Variants in CCDC60 observed in about 807,000 individuals in gnomAD.
CCDC60 encodes the protein coiled-coil domain-containing protein 60.
Under a neutral mutation model 63.5 loss-of-function variants are expected in CCDC60, and 54 were observed. The observed-to-expected ratio is 0.85, with a 90% confidence interval of 0.68 to 1.07. The LOEUF is 1.07. CCDC60 is among the 50% of genes least tolerant of loss of function. The pLI, the probability that CCDC60 is intolerant of heterozygous loss-of-function variation, is 0.00. For missense variants in CCDC60, 651 were observed against 684.3 expected (o/e 0.95, Z 0.54); for synonymous variants, 206 against 238.8 (o/e 0.86, Z 1.27).
At chr12:119,504,469 C>T (rs576520331) in intron 6 of CCDC60, among the ~76,000 whole-genome samples, 4 of 152,308 alleles carry the variant, frequency 2.6e-5, no homozygotes, top group African/African-American at 9.6e-5. Flanking sequence ...ACCGTGGCTC[C>T]TCCCCCAAGA....
At chr12:119,527,211 A>T (rs1952701307) in intron 11 of CCDC60, among the ~76,000 whole-genome samples, 1 of 152,190 alleles carries the variant, frequency 6.6e-6, no homozygotes, top group Non-Finnish European at 1.5e-5. Flanking sequence ...AAGCTAAATG[A>T]TAAGAATTTA....
At position 119,456,065 on chromosome 12, in the gene CCDC60, AAGCAAGC is replaced by A. The variant is rs1566019677; in HGVS notation, c.171-15927_171-15921del. Among the ~76,000 whole-genome samples, 410 of 89,896 alleles carry A rather than the reference AAGCAAGC, an allele frequency of 4.6e-3. 4 individuals carry two copies. Among genetic ancestry groups the A allele is most frequent in the African/African-American group, 0.018 (384 of 21,622 alleles). 59.0% of individuals were successfully genotyped at this position (89,896 alleles called of 152,430 possible). On this transcript the variant is annotated intron_variant, in intron 2 of 13. Coordinates refer to ENST00000327554, the MANE Select transcript of CCDC60 (RefSeq NM_178499.5). The surrounding 1 kb of genome is among the most constrained non-coding windows in gnomAD (Gnocchi z 4.6). ...AAAGAAAGAAAGAAAGAAAGAAAGC[AAGCAAGC>A]ATGTGCAATTTCAAGGGGGTAGAGA...
intron 1 of CCDC60, among the ~76,000 whole-genome samples, chr12:119,398,260 C>T (rs1956320267): frequency 6.6e-6 from 1 of 151,902 alleles, no homozygotes; most frequent in African/African-American, 2.4e-5. Context: ...GGACCCGGCG[C>T]AACCTCTGCA....
chr12:119,478,311 TCAAA>T (rs1187262305), intron 3 of CCDC60, among the ~76,000 whole-genome samples: 1 of 151,840 alleles, frequency 6.6e-6, no homozygotes, highest in South Asian at 2.1e-4. Context: ...AGATTCTGTC[TCAAA>T]CAAACAAACT....
intron 2 of CCDC60, among the ~76,000 whole-genome samples, chr12:119,444,538 C>T (rs1950503777): frequency 6.6e-6 from 1 of 152,202 alleles, no homozygotes; most frequent in Non-Finnish European, 1.5e-5. Flanking sequence ...TCTAGAGTCT[C>T]CCTCTAGGAG....
chr12:119,413,312 G>C (rs952311296), intron 1 of CCDC60, among the ~76,000 whole-genome samples: 12 of 152,184 alleles, frequency 7.9e-5, no homozygotes, highest in Admixed American at 7.9e-4. Flanking sequence ...GGGAGGCAGA[G>C]AAAGAGATTA....
At position 119,417,404 on chromosome 12, in the gene CCDC60, T is replaced by C. The variant is rs1419558816; in HGVS notation, c.91-11279T>C. On this transcript the variant is annotated intron_variant, in intron 1 of 13. Coordinates refer to ENST00000327554, the MANE Select transcript of CCDC60 (RefSeq NM_178499.5). ...GGAGGAAATGGTTTATCTTTACTTT[T>C]TGGAATACATCAGCAAGATTTTTCT... Among the ~76,000 whole-genome samples, 3 of 152,230 alleles carry C rather than the reference T, an allele frequency of 2.0e-5. No individual in the cohort carries two copies. In the East Asian group the frequency reaches 5.8e-4, roughly 29 times the overall value.
intron 2 of CCDC60, among the ~76,000 whole-genome samples, chr12:119,431,764 C>T (rs1004234253): frequency 3.3e-5 from 5 of 152,142 alleles, no homozygotes; most frequent in Admixed American, 2.0e-4. Flanking sequence ...CTGCAACCTC[C>T]GCCTCCCGGG....
At chr12:119,525,297 G>GACA (rs1952652836) in intron 11 of CCDC60, among the ~76,000 whole-genome samples, 2 of 152,144 alleles carry the variant, frequency 1.3e-5, no homozygotes, top group Admixed American at 1.3e-4. Context: ...AGGAAATACA[G>GACA]ACAACTCCTG....
At chr12:119,429,424 G>C (rs1238509801) in intron 2 of CCDC60, among the ~76,000 whole-genome samples, 2 of 152,052 alleles carry the variant, frequency 1.3e-5, no homozygotes, top group African/African-American at 2.4e-5. Flanking sequence ...CCCAAGGTAG[G>C]ATCCTAAAAT....
chr12:119,471,941 T>A (rs1254146153), intron 2 of CCDC60, 53 bp from the exon 3 acceptor site: 1 of 1,493,480 alleles, frequency 6.7e-7, no homozygotes, highest in African/African-American at 1.4e-5. Context: ...CTTCTCTCTC[T>A]CCACCCTCCC....
At chr12:119,407,756 CCA>C (rs1363894099) in intron 1 of CCDC60, among the ~76,000 whole-genome samples, 1 of 151,970 alleles carries the variant, frequency 6.6e-6, no homozygotes, top group Non-Finnish European at 1.5e-5. Context: ...TTTTTTTAAC[CCA>C]TAAAATGGGC....
intron 1 of CCDC60, among the ~76,000 whole-genome samples, chr12:119,369,496 C>T (rs950631520): frequency 3.9e-5 from 6 of 152,158 alleles, no homozygotes; most frequent in Admixed American, 3.3e-4. Context: ...CCCACTGAAT[C>T]CTTGAAAGCT....
intron 1 of CCDC60, among the ~76,000 whole-genome samples, chr12:119,375,363 C>G (rs933454665): frequency 2.2e-4 from 33 of 152,154 alleles, no homozygotes; most frequent in African/African-American, 8.0e-4. Flanking sequence ...TTCAAGCTAT[C>G]GATCACTGAA....
At chr12:119,396,884 T>TGAAGTCACGGACCCTCGCAGTG (rs1956265338) in intron 1 of CCDC60, among the ~76,000 whole-genome samples, 1 of 152,206 alleles carries the variant, frequency 6.6e-6, no homozygotes, top group African/African-American at 2.4e-5. Flanking sequence ...ACTTCAAGAA[T>TGAAGTCACGGACCCTCGCAGTG]GAAGTCACGG....
intron 2 of CCDC60, among the ~76,000 whole-genome samples, chr12:119,434,253 AT>A (rs1197005174): frequency 6.7e-6 from 1 of 148,434 alleles, no homozygotes; most frequent in Non-Finnish European, 1.5e-5. Flanking sequence ...CAAAGGTGGA[AT>A]TTGGGGCAGA....
chr12:119,499,986 C>A (rs912943227), intron 5 of CCDC60, 92 bp from the exon 6 acceptor site: 25 of 891,618 alleles, frequency 2.8e-5, no homozygotes, highest in Middle Eastern at 2.2e-4. Context: ...GCCCAGCCAC[C>A]ATTCCTCCTC....
At chr12:119,393,769 T>G (rs1956202689) in intron 1 of CCDC60, among the ~76,000 whole-genome samples, 1 of 152,224 alleles carries the variant, frequency 6.6e-6, no homozygotes, top group African/African-American at 2.4e-5. Context: ...TGGAGCTTCC[T>G]GCTTTTGTGT....
chr12:119,413,218 G>A (rs902961711), intron 1 of CCDC60, among the ~76,000 whole-genome samples: 18 of 152,300 alleles, frequency 1.2e-4, no homozygotes, highest in Admixed American at 3.3e-4. Context: ...CACATTGGCT[G>A]TTGGCATGCC....
Sources: allele counts gnomAD v4.1 joint callset (sites outside exome capture counted in the v4.1 genomes callset), GRCh38; gene constraint gnomAD v4.1.1; non-coding constraint Gnocchi (gnomAD v3.1); transcripts MANE v1.5; gene names NCBI Gene and HGNC (gene_info 2026-07-23, HGNC 2026-07-21).